Variants in CCDC60 observed in about 807,000 individuals in gnomAD.
CCDC60 encodes the protein coiled-coil domain containing 60.
A neutral mutation model predicts 63.5 loss-of-function variants in CCDC60; 54 were observed. The observed-to-expected ratio is 0.85, with a 90% confidence interval of 0.68 to 1.07. CCDC60 has a LOEUF of 1.07. Ranked by LOEUF, CCDC60 falls within the 50% of genes least tolerant of loss-of-function variation. The pLI, the probability that CCDC60 is intolerant of heterozygous loss-of-function variation, is 0.00. For missense variants in CCDC60, 651 were observed against 684.3 expected (o/e 0.95, Z 0.54); for synonymous variants, 206 against 238.8 (o/e 0.86, Z 1.27).
intron 12 of CCDC60, among the ~76,000 whole-genome samples, chr12:119,529,676 A>G (rs1490582944): frequency 6.6e-6 from 1 of 152,106 alleles, no homozygotes; most frequent in African/African-American, 2.4e-5. Context: ...CTCACAAGCA[A>G]TGTCTGGCCC....
intron 1 of CCDC60, among the ~76,000 whole-genome samples, chr12:119,353,224 C>T (rs1311106249): frequency 1.3e-5 from 2 of 151,992 alleles, no homozygotes; most frequent in Non-Finnish European, 2.9e-5. Context: ...TCCACTGTTC[C>T]TTGTCTGCCT....
At chr12:119,337,875 G>A (rs1955490491) in intron 1 of CCDC60, among the ~76,000 whole-genome samples, 1 of 147,890 alleles carries the variant, frequency 6.8e-6, no homozygotes, top group African/African-American at 2.5e-5. Context: ...TCTCCATGTT[G>A]GATTTTGGGA....
At chr12:119,486,541 A>G (rs1199708551) in intron 4 of CCDC60, among the ~76,000 whole-genome samples, 3 of 152,218 alleles carry the variant, frequency 2.0e-5, no homozygotes, top group South Asian at 2.1e-4. Context: ...AAAAAAATTG[A>G]AAAAGCTGTG....
intron 1 of CCDC60, among the ~76,000 whole-genome samples, chr12:119,426,803 A>G (rs1956910384): frequency 6.6e-6 from 1 of 152,204 alleles, no homozygotes; most frequent in Non-Finnish European, 1.5e-5. Flanking sequence ...GCAGGCCAGA[A>G]GCAGTTCCTT....
intron 13 of CCDC60, among the ~76,000 whole-genome samples, chr12:119,533,558 C>T (rs183488044): frequency 2.2e-4 from 34 of 152,256 alleles, no homozygotes; most frequent in East Asian, 1.9e-3. Context: ...TTAGGTCTAA[C>T]GTTTAAGTCT....
At chr12:119,438,180 G>A (rs989129659) in intron 2 of CCDC60, among the ~76,000 whole-genome samples, 1 of 151,922 alleles carries the variant, frequency 6.6e-6, no homozygotes, top group Non-Finnish European at 1.5e-5. Context: ...TTTAGGGTGA[G>A]TTTTTTTTCT....
intron 7 of CCDC60, among the ~76,000 whole-genome samples, chr12:119,513,898 AC>A (rs552659490): frequency 5.3e-4 from 80 of 152,332 alleles, no homozygotes; most frequent in South Asian, 4.1e-3. Context: ...TTATATAAGT[AC>A]TACACTTTAT....
At chr12:119,366,424 C>T (rs186130282) in intron 1 of CCDC60, among the ~76,000 whole-genome samples, 1 of 152,304 alleles carries the variant, frequency 6.6e-6, no homozygotes, top group East Asian at 1.9e-4. Flanking sequence ...GACTCTTCTG[C>T]TTTCCACCAA....
chr12:119,417,445 T>C (rs1446028057), intron 1 of CCDC60, among the ~76,000 whole-genome samples: 1 of 152,156 alleles, frequency 6.6e-6, no homozygotes, highest in Non-Finnish European at 1.5e-5. Flanking sequence ...CCCCCCTTTT[T>C]CCTTTTTCTC....
chr12:119,349,337 CTTTTT>C (rs34682909), intron 1 of CCDC60, among the ~76,000 whole-genome samples: 3 of 126,280 alleles, frequency 2.4e-5, no homozygotes, highest in Non-Finnish European at 5.0e-5. Flanking sequence ...GGGCGTGTTC[CTTTTT>C]TTTTTTTTTT....
rs558949493 is a variant in CCDC60 at position 119,505,000 on chromosome 12, T to G, written c.649-69T>G. 4.9e-6 allele frequency: 6 copies of G among 1,231,492 alleles called. No individual in the cohort carries two copies. In the African/African-American group the frequency reaches 6.0e-5, roughly 12 times the overall value. The allele number at this position is 1,231,492 out of a possible 1,614,324, so 76.3% of individuals were successfully genotyped here. A position where few individuals can be genotyped will look rare whatever the true frequency, so the allele number is the denominator to read the frequency against. On this transcript the variant is annotated intron_variant, in intron 6 of 13. Coordinates refer to ENST00000327554, the MANE Select transcript of CCDC60 (RefSeq NM_178499.5). ...GTCCCTCCCCACCTTCCTCCTTCCC[T>G]CCTTTCTTTCTTTCTTCCATCTTTT...
chr12:119,433,563 A>C, intron 2 of CCDC60: 1 of 702,376 alleles, frequency 1.4e-6, no homozygotes, highest in South Asian at 1.5e-5. Context: ...TTCCAAGGGA[A>C]GTCATCTCTC....
chr12:119,521,247 C>G (rs1286746553), intron 9 of CCDC60, among the ~76,000 whole-genome samples: 1 of 152,142 alleles, frequency 6.6e-6, no homozygotes, highest in Non-Finnish European at 1.5e-5. Context: ...AGGCAAATAC[C>G]TGCAATTTCC....
At chr12:119,488,619 T>C (rs112281703) in intron 4 of CCDC60, 140 bp from the exon 5 acceptor site, 12 of 675,016 alleles carry the variant, frequency 1.8e-5, no homozygotes, top group East Asian at 1.4e-4. Context: ...AGATGATACA[T>C]GCAAAATACT....
At chr12:119,505,025 T>A (rs1048460477) in intron 6 of CCDC60, 44 bp from the exon 7 acceptor site, 2 of 1,422,796 alleles carry the variant, frequency 1.4e-6, no homozygotes, top group Non-Finnish European at 1.9e-6. Context: ...TTCCATCTTT[T>A]TCCCCCTCCT....
intron 1 of CCDC60, among the ~76,000 whole-genome samples, chr12:119,378,626 T>C (rs113773367): frequency 7.2e-4 from 109 of 152,318 alleles, no homozygotes; most frequent in Middle Eastern, 3.4e-3. Context: ...AGGGATAGGA[T>C]TGGAACCCAG....
At chr12:119,448,909 G>A (rs762933998) in intron 2 of CCDC60, among the ~76,000 whole-genome samples, 3 of 152,038 alleles carry the variant, frequency 2.0e-5, no homozygotes, top group Non-Finnish European at 4.4e-5. Context: ...CTTACACAGC[G>A]TTACACAAAC....
intron 1 of CCDC60, among the ~76,000 whole-genome samples, chr12:119,384,907 T>C (rs1956044372): frequency 6.6e-6 from 1 of 152,156 alleles, no homozygotes; most frequent in Admixed American, 6.5e-5. Flanking sequence ...GTGGGTTGAG[T>C]TCTGCACAAG....
At chr12:119,489,467 A>G (rs954023615) in intron 5 of CCDC60, among the ~76,000 whole-genome samples, 1 of 152,184 alleles carries the variant, frequency 6.6e-6, no homozygotes, top group African/African-American at 2.4e-5. Flanking sequence ...GCTCCAGAAC[A>G]TGTTGTCTAG....
Sources: allele counts gnomAD v4.1 joint callset (sites outside exome capture counted in the v4.1 genomes callset), GRCh38; gene constraint gnomAD v4.1.1; transcripts MANE v1.5; gene names NCBI Gene and HGNC (gene_info 2026-07-23, HGNC 2026-07-21).